KCNQ3: variants seen among roughly 807,000 people sequenced by gnomAD.
KCNQ3 encodes potassium voltage-gated channel subfamily KQT member 3.
In KCNQ3, 30 loss-of-function variants were observed where a neutral mutation model predicts 92.5. The observed-to-expected ratio is 0.32, with a 90% CI of 0.24 to 0.44. The LOEUF is 0.44. Ranked by LOEUF, KCNQ3 falls within the 20% of genes least tolerant of loss-of-function variation. KCNQ3 has a pLI of 1.00. For missense variants in KCNQ3, 913 were observed against 1,140.3 expected, an observed-to-expected ratio of 0.80 and a Z score of 2.87; for synonymous variants, 450 against 468.8, an observed-to-expected ratio of 0.96 and a Z score of 0.52.
intron 1 of KCNQ3, among the ~76,000 whole-genome samples, chr8:132,407,817 CTG>C (rs1259769959): frequency 1.3e-5 from 2 of 152,176 alleles, no homozygotes; most frequent in Non-Finnish European, 2.9e-5. Flanking sequence ...GTGCAAAAGA[CTG>C]TATCTTTCAC....
rs898047112 is a variant in KCNQ3 at position 132,121,588 on chromosome 8, G to A, written c.*7674C>T. 3.3e-5 allele frequency: 5 copies of A among 152,188 alleles called. No individual in the cohort carries two copies. The highest frequency in any genetic ancestry group is 1.2e-4 in the African/African-American group (5 of 41,434). The allele number at this position is 152,188 out of a possible 1,614,324, so 9.4% of individuals were successfully genotyped here. A position where few individuals can be genotyped will look rare whatever the true frequency, so the allele number is the denominator to read the frequency against. On this transcript the variant is annotated 3_prime_UTR_variant, in exon 15 of 15. Coordinates refer to ENST00000388996, the MANE Select transcript of KCNQ3 (RefSeq NM_004519.4). ...AGGGCCCAATTACCAGATCAGGTTG[G>A]CTTCCATGGGAAACCTTGATCTTTT... is the stretch of plus-strand genomic sequence containing the variant.
chr8:132,162,690 T>C (rs892189865), intron 9 of KCNQ3, among the ~76,000 whole-genome samples: 2 of 152,212 alleles, frequency 1.3e-5, no homozygotes, highest in Non-Finnish European at 2.9e-5. Flanking sequence ...CTGTCAGTAA[T>C]TGTCTCTTCC....
intron 1 of KCNQ3, among the ~76,000 whole-genome samples, chr8:132,463,625 T>C (rs2130860172): frequency 6.6e-6 from 1 of 152,344 alleles, no homozygotes; most frequent in East Asian, 1.9e-4. Context: ...ATGGCATACC[T>C]GCTTCCTCAG....
At chr8:132,194,085 C>A (rs1288198869) in intron 1 of KCNQ3, among the ~76,000 whole-genome samples, 1 of 152,318 alleles carries the variant, frequency 6.6e-6, no homozygotes, top group Non-Finnish European at 1.5e-5. Flanking sequence ...GCATCTGTAG[C>A]CCTCAAAATG....
chr8:132,135,059 A>G (rs1825037726), intron 12 of KCNQ3, among the ~76,000 whole-genome samples: 1 of 151,924 alleles, frequency 6.6e-6, no homozygotes, highest in South Asian at 2.1e-4. Flanking sequence ...CATGGGGGTT[A>G]TCTTTTCTGC....
At chr8:132,250,179 G>A (rs907695855) in intron 1 of KCNQ3, among the ~76,000 whole-genome samples, 18 of 152,212 alleles carry the variant, frequency 1.2e-4, no homozygotes, top group African/African-American at 3.9e-4. Flanking sequence ...CACTGAGCGC[G>A]AGCGAGGGTC....
intron 9 of KCNQ3, 70 bp downstream of exon 9, chr8:132,163,398 A>G (rs1466179448): frequency 4.5e-6 from 6 of 1,318,902 alleles, no homozygotes; most frequent in East Asian, 2.3e-5. Flanking sequence ...GGGGCCCTAC[A>G]CCATATGGAG....
At position 132,479,659 on chromosome 8, in the gene KCNQ3, T is replaced by G. The variant is rs149524028; in HGVS notation, c.386+488A>C. On this transcript the variant is annotated intron_variant, in intron 1 of 14. Coordinates refer to ENST00000388996, the MANE Select transcript of KCNQ3 (RefSeq NM_004519.4). ...CACACACACACACACACACACACGCTCCCCACTATGGGTGGTGCGCACCCC... is the reference window on the plus strand; with the variant it reads ...CACACACACACACACACACACACGCGCCCCACTATGGGTGGTGCGCACCCC... 1.5e-3 allele frequency among the ~76,000 whole-genome samples: 152 copies of G among 103,896 alleles called. 1 individual carries two copies. Among genetic ancestry groups the G allele is most frequent in the African/African-American group, 6.5e-3 (149 of 23,090 alleles). 68.2% of individuals were successfully genotyped at this position (103,896 alleles called of 152,430 possible).
Position 132,394,071 on chromosome 8 carries a change from G to A in KCNQ3, c.386+86076C>T, listed in dbSNP as rs183827447. The stretch of plus-strand genomic sequence containing the variant: ...ACGGAAACAGCCAAATACCAACCAC[G>A]TGCCAGGCACCAGGCTGCCGGCATT... On this transcript the variant is annotated intron_variant, in intron 1 of 14. Transcript: ENST00000388996. Among the ~76,000 whole-genome samples, 4 of 152,268 alleles carry A rather than the reference G, an allele frequency of 2.6e-5. 1 individual carries two copies. Among genetic ancestry groups the A allele is most frequent in the South Asian group, 4.1e-4 (2 of 4,826 alleles).
At chr8:132,315,114 A>G (rs1490466448) in intron 1 of KCNQ3, among the ~76,000 whole-genome samples, 1 of 152,240 alleles carries the variant, frequency 6.6e-6, no homozygotes, top group Non-Finnish European at 1.5e-5. Context: ...TAGGAAGATC[A>G]CTTAGCTGGC....
At chr8:132,377,406 T>C (rs150596322) in intron 1 of KCNQ3, among the ~76,000 whole-genome samples, 132 of 152,298 alleles carry the variant, frequency 8.7e-4, no homozygotes, top group African/African-American at 3.1e-3. Flanking sequence ...TTTCTAGATA[T>C]CTCTGTATAT....
Position 132,260,869 on chromosome 8 carries a change from G to T in KCNQ3, c.387-74688C>A, listed in dbSNP as rs544870908. On this transcript the variant is annotated intron_variant, in intron 1 of 14. Coordinates refer to ENST00000388996, the MANE Select transcript of KCNQ3 (RefSeq NM_004519.4). ...TCCAAACATCCATCCATCCATCTGT[G>T]CATCCAACCATCATCCATCCATCCA... is the stretch of plus-strand genomic sequence containing the variant. Among the ~76,000 whole-genome samples the T allele has an allele frequency of 2.6e-5, 4 of 151,746 alleles. 1 individual carries two copies. The South Asian group carries it at 8.4e-4, about 32-fold the overall frequency.
chr8:132,421,513 A>C (rs1820966267), intron 1 of KCNQ3, among the ~76,000 whole-genome samples: 1 of 152,058 alleles, frequency 6.6e-6, no homozygotes, highest in Non-Finnish European at 1.5e-5. Context: ...GTTATGACCA[A>C]AATGATGCTG....
chr8:132,433,222 T>C (rs149599701), intron 1 of KCNQ3, among the ~76,000 whole-genome samples: 2 of 152,050 alleles, frequency 1.3e-5, no homozygotes, highest in Non-Finnish European at 2.9e-5. Context: ...CCCCTCCCAG[T>C]TCAACCCCAC....
chr8:132,230,433 CAGAGAGAGAGAGAGACAG>C (rs1429846136), intron 1 of KCNQ3, among the ~76,000 whole-genome samples: 23 of 131,132 alleles, frequency 1.8e-4, no homozygotes, highest in Admixed American at 8.0e-4. Flanking sequence ...CCACCACAGG[CAGAGAGAGAGAGAGACAG>C]AGAGAGAGAG....
chr8:132,303,744 T>C (rs1817325890), intron 1 of KCNQ3, among the ~76,000 whole-genome samples: 2 of 144,146 alleles, frequency 1.4e-5, no homozygotes, highest in Non-Finnish European at 3.0e-5. Flanking sequence ...GCCACACATA[T>C]GTGTATATAT....
At chr8:132,445,138 T>C (rs969603913) in intron 1 of KCNQ3, among the ~76,000 whole-genome samples, 9 of 152,162 alleles carry the variant, frequency 5.9e-5, no homozygotes, top group Admixed American at 5.9e-4. Context: ...AAGGACCAAC[T>C]GGTGTCATGA....
intron 1 of KCNQ3, among the ~76,000 whole-genome samples, chr8:132,337,778 G>T (rs886995835): frequency 4.6e-5 from 7 of 152,154 alleles, no homozygotes; most frequent in Non-Finnish European, 7.3e-5. Flanking sequence ...CTAGGCCCAT[G>T]CCTGGCATAT....
intron 1 of KCNQ3, among the ~76,000 whole-genome samples, chr8:132,229,718 G>A (rs1549848): frequency 0.65 from 98,271 of 151,418 alleles, 32,081 homozygotes; most frequent in African/African-American, 0.69. Context: ...AGCAGAGGGC[G>A]GTGAGTGGGA....
Sources: allele counts gnomAD v4.1 joint callset (sites outside exome capture counted in the v4.1 genomes callset), GRCh38; gene constraint gnomAD v4.1.1; transcripts MANE v1.5; gene names NCBI Gene and HGNC (gene_info 2026-07-23, HGNC 2026-07-21).